The following WDR72 variants were observed in gnomAD, a reference collection of about 807,000 sequenced individuals.
The protein encoded by WDR72 is WD repeat-containing protein 72.
A neutral mutation model predicts 124.2 loss-of-function variants in WDR72; 120 were observed. The ratio of observed to expected loss-of-function variants is 0.97; its 90% CI spans 0.83 to 1.12. The LOEUF (loss-of-function observed/expected upper bound fraction) is 1.12. Ranked by LOEUF, WDR72 falls within the 50% of genes most tolerant of loss-of-function variation. The pLI is 0.00. For synonymous variants in WDR72, 452 were observed against 441.7 expected, an observed-to-expected ratio of 1.02 and a Z score of -0.29; for missense variants, 1,387 against 1,278.8, an observed-to-expected ratio of 1.08 and a Z score of -1.29.
At chr15:53,691,620 CAGATAGATAGATAGATAGAT>C (rs71746507) in intron 13 of WDR72, among the ~76,000 whole-genome samples, 9,432 of 145,588 alleles carry the variant, frequency 0.065, 362 homozygotes, top group South Asian at 0.12. Flanking sequence ...GACAGACAGA[CAGATAGATAGATAGATAGAT>C]AGATAGATAG....
chr15:53,571,289 C>CA (rs1039484005), intron 18 of WDR72, among the ~76,000 whole-genome samples: 8 of 151,536 alleles, frequency 5.3e-5, no homozygotes, highest in Non-Finnish European at 1.0e-4. Flanking sequence ...AATTTAAAAA[C>CA]AAAAAAACAA....
chr15:53,545,678 TAAAGAGCTTCTGCACCGCA>T (rs1413978813), intron 18 of WDR72, among the ~76,000 whole-genome samples: 2 of 138,926 alleles, frequency 1.4e-5, no homozygotes, highest in African/African-American at 5.5e-5. Context: ...CTAATTAAAC[TAAAGAGCTTCTGCACCGCA>T]AAAGAAACTA....
chr15:53,526,383 G>A (rs926080924), intron 18 of WDR72, among the ~76,000 whole-genome samples: 1 of 152,086 alleles, frequency 6.6e-6, no homozygotes, highest in Non-Finnish European at 1.5e-5. Flanking sequence ...AAAGAAAAGG[G>A]TGTGAACCTA....
At chr15:53,737,738 C>T (rs554119391) in intron 1 of WDR72, among the ~76,000 whole-genome samples, 2 of 152,084 alleles carry the variant, frequency 1.3e-5, no homozygotes, top group Admixed American at 1.3e-4. Flanking sequence ...TAGTAATAAA[C>T]AGATCAAGCA....
At chr15:53,551,598 G>A (rs1322491127) in intron 18 of WDR72, among the ~76,000 whole-genome samples, 1 of 152,074 alleles carries the variant, frequency 6.6e-6, no homozygotes, top group Non-Finnish European at 1.5e-5. Context: ...GGTTACTTAT[G>A]CAAACATACA....
intron 18 of WDR72, among the ~76,000 whole-genome samples, chr15:53,547,087 C>G (rs1409571527): frequency 2.0e-5 from 3 of 152,182 alleles, no homozygotes; most frequent in Admixed American, 1.3e-4. Context: ...AGCCAACAAC[C>G]TACTTAATTC....
intron 18 of WDR72, among the ~76,000 whole-genome samples, chr15:53,546,389 T>A (rs941368166): frequency 2.6e-5 from 4 of 151,324 alleles, no homozygotes; most frequent in African/African-American, 9.7e-5. Flanking sequence ...TTGGAAATCA[T>A]CATTCTCAGT....
At chr15:53,547,170 C>T (rs958708679) in intron 18 of WDR72, among the ~76,000 whole-genome samples, 1 of 152,216 alleles carries the variant, frequency 6.6e-6, no homozygotes, top group African/African-American at 2.4e-5. Flanking sequence ...AACTATTTAA[C>T]ATTGAGTTGA....
At chr15:53,592,129 A>C (rs999345504) in intron 18 of WDR72, among the ~76,000 whole-genome samples, 1 of 152,032 alleles carries the variant, frequency 6.6e-6, no homozygotes, top group Non-Finnish European at 1.5e-5. Context: ...AGTGTGCTTA[A>C]AAGATTTCCC....
intron 14 of WDR72, among the ~76,000 whole-genome samples, chr15:53,633,096 T>C (rs1032526073): frequency 2.0e-5 from 3 of 152,172 alleles, no homozygotes; most frequent in Admixed American, 6.5e-5. Flanking sequence ...ATGATATGGT[T>C]TGAATATGTG....
intron 18 of WDR72, among the ~76,000 whole-genome samples, chr15:53,545,665 G>A (rs901221373): frequency 2.8e-5 from 4 of 143,018 alleles, no homozygotes; most frequent in South Asian, 2.3e-4. Flanking sequence ...TGACAAATGG[G>A]ATCTAATTAA....
chr15:53,626,623 G>A (rs907896897), intron 14 of WDR72, among the ~76,000 whole-genome samples: 1 of 152,324 alleles, frequency 6.6e-6, no homozygotes, highest in South Asian at 2.1e-4. Context: ...TCAAATGCCT[G>A]GGTTTCTATC....
chr15:53,625,130 G>A (rs562231665), intron 14 of WDR72, among the ~76,000 whole-genome samples: 59 of 152,190 alleles, frequency 3.9e-4, no homozygotes, highest in Non-Finnish European at 5.4e-4. Flanking sequence ...TCATTCTAAC[G>A]GAAGTGTCTT....
chr15:53,601,934 C>T, intron 17 of WDR72, among the ~76,000 whole-genome samples: 1 of 151,998 alleles, frequency 6.6e-6, no homozygotes, highest in African/African-American at 2.4e-5. Context: ...ATACAAATAA[C>T]TGAGACAGAA....
intron 13 of WDR72, among the ~76,000 whole-genome samples, chr15:53,671,370 ACT>A (rs779651230): frequency 1.9e-4 from 29 of 152,178 alleles, no homozygotes; most frequent in Non-Finnish European, 2.8e-4. Flanking sequence ...CCTATCTTGT[ACT>A]GTTTTCTATC....
intron 14 of WDR72, among the ~76,000 whole-genome samples, chr15:53,657,263 C>CAAAAAAAAAAAAAAAAAAAA (rs10549551): frequency 1.8e-5 from 1 of 56,400 alleles, no homozygotes; most frequent in African/African-American, 7.7e-5. Flanking sequence ...GACTCCATCT[C>CAAAAAAAAAAAAAAAAAAAA]AAAAAAAAAA....
chr15:53,603,228 G>A (rs960515756), intron 17 of WDR72, among the ~76,000 whole-genome samples: 1 of 151,706 alleles, frequency 6.6e-6, no homozygotes, highest in African/African-American at 2.4e-5. Context: ...CAGAACTAAA[G>A]ACAAAAACCA....
intron 18 of WDR72, among the ~76,000 whole-genome samples, chr15:53,586,010 T>G (rs987660954): frequency 2.0e-5 from 3 of 152,066 alleles, no homozygotes; most frequent in African/African-American, 7.2e-5. Flanking sequence ...CTCTATGCCT[T>G]TACAGTAATG....
At chr15:53,543,509 A>C (rs2140264172) in intron 18 of WDR72, among the ~76,000 whole-genome samples, 1 of 151,478 alleles carries the variant, frequency 6.6e-6, no homozygotes, top group African/African-American at 2.4e-5. Context: ...GTAGAGGGAA[A>C]TTTATAGCAC....
Sources: gnomAD v4.1 joint callset for allele counts (sites outside exome capture counted in the v4.1 genomes callset) on GRCh38, gnomAD v4.1.1 for gene constraint, MANE v1.5 for transcripts, NCBI Gene and HGNC (gene_info 2026-07-23, HGNC 2026-07-21) for gene names.